PTPRD: variants seen among roughly 807,000 people sequenced by gnomAD.
PTPRD encodes receptor-type tyrosine-protein phosphatase delta.
Under a neutral mutation model 214.5 loss-of-function variants are expected in PTPRD, and 34 were observed. The ratio of observed to expected loss-of-function variants is 0.16; its 90% confidence interval spans 0.12 to 0.21. PTPRD has a LOEUF of 0.21. PTPRD is among the 10% of genes least tolerant of loss of function. The probability of loss-of-function intolerance (pLI) is 1.00; values close to 1 mark genes in which losing one functional copy is unlikely to be tolerated. For missense variants in PTPRD, 2,545 were observed against 2,398.7 expected (o/e 1.06, Z -1.27); for synonymous variants, 1,128 against 845.7 (o/e 1.33, Z -5.79).
intron 9 of PTPRD, among the ~76,000 whole-genome samples, chr9:9,211,157 C>T (rs1450048238): frequency 2.0e-5 from 3 of 152,072 alleles, no homozygotes; most frequent in African/African-American, 7.2e-5. Flanking sequence ...GCCACACATA[C>T]AGACCCATCT....
chr9:8,555,435 C>A (rs1006802434), intron 14 of PTPRD, among the ~76,000 whole-genome samples: 2 of 152,158 alleles, frequency 1.3e-5, no homozygotes, highest in Non-Finnish European at 2.9e-5. Flanking sequence ...CAAACAAACT[C>A]TTACTTGGTA....
chr9:8,503,869 T>G (rs144976576), intron 23 of PTPRD, among the ~76,000 whole-genome samples: 3 of 149,960 alleles, frequency 2.0e-5, no homozygotes, highest in South Asian at 2.1e-4. Flanking sequence ...AAAAATAAAG[T>G]TTTTTTTTGT....
At chr9:9,293,148 T>A (rs891366735) in intron 9 of PTPRD, among the ~76,000 whole-genome samples, 1 of 151,616 alleles carries the variant, frequency 6.6e-6, no homozygotes, top group Admixed American at 6.6e-5. Context: ...AATAACCACA[T>A]AAATTATTTA....
At chr9:8,872,686 T>C (rs1397392743) in intron 11 of PTPRD, among the ~76,000 whole-genome samples, 1 of 152,238 alleles carries the variant, frequency 6.6e-6, no homozygotes, top group Non-Finnish European at 1.5e-5. Flanking sequence ...TATCACTTTT[T>C]AAAAATAAAT....
chr9:9,881,886 G>T (rs537731406), intron 5 of PTPRD, among the ~76,000 whole-genome samples: 108 of 152,186 alleles, frequency 7.1e-4, no homozygotes, highest in Middle Eastern at 3.4e-3. Context: ...GAACATGCCT[G>T]GGCTAGCTTG....
At chr9:9,172,301 G>A (rs1237439298) in intron 10 of PTPRD, among the ~76,000 whole-genome samples, 2 of 152,108 alleles carry the variant, frequency 1.3e-5, no homozygotes, top group Non-Finnish European at 2.9e-5. Flanking sequence ...GTGGCAAAAT[G>A]TACTTTCCCT....
In PTPRD at chr9:9,465,427, ATTGT is replaced by A. The variant is rs2094056894; in HGVS notation, c.-236-67949_-236-67946del. Among the ~76,000 whole-genome samples, 4 of 152,308 alleles carry A rather than the reference ATTGT, an allele frequency of 2.6e-5. No homozygotes were observed. The South Asian group carries it at 8.3e-4, about 32-fold the overall frequency. ...GAGCCAAAAACCAATATGCAAACTG[ATTGT>A]TTGAGTCAGAGGAGTCCATTACTCA... On this transcript the variant is annotated intron_variant, in intron 8 of 45. Coordinates refer to ENST00000381196, the MANE Select transcript of PTPRD (RefSeq NM_002839.4).
At chr9:9,479,347 G>GCACACACACACACACA (rs5896339) in intron 8 of PTPRD, among the ~76,000 whole-genome samples, 7 of 146,668 alleles carry the variant, frequency 4.8e-5, no homozygotes, top group Non-Finnish European at 7.5e-5. Context: ...GAAAACTGAT[G>GCACACACACACACACA]CACACACACA....
intron 5 of PTPRD, among the ~76,000 whole-genome samples, chr9:9,844,787 A>T (rs1253921884): frequency 6.6e-6 from 1 of 151,662 alleles, no homozygotes; most frequent in Non-Finnish European, 1.5e-5. Context: ...AATACTTAAA[A>T]CTTGTTATTG....
intron 11 of PTPRD, among the ~76,000 whole-genome samples, chr9:8,886,069 G>C (rs566827408): frequency 1.3e-5 from 2 of 152,194 alleles, no homozygotes; most frequent in African/African-American, 4.8e-5. Context: ...GTGATTGGTA[G>C]GAAAGAACTC....
At chr9:9,051,477 T>G (rs186199687) in intron 10 of PTPRD, among the ~76,000 whole-genome samples, 1 of 152,304 alleles carries the variant, frequency 6.6e-6, no homozygotes, top group Non-Finnish European at 1.5e-5. Context: ...AAATCCAACC[T>G]TGGTGTCATT....
intron 5 of PTPRD, among the ~76,000 whole-genome samples, chr9:9,825,467 G>C (rs1274561447): frequency 2.0e-5 from 3 of 151,720 alleles, no homozygotes; most frequent in Non-Finnish European, 2.9e-5. Context: ...GAGAAAGAAA[G>C]AGACCGAGAG....
intron 18 of PTPRD, 151 bp from the exon 19 acceptor site, chr9:8,523,675 G>A (rs1406805673): frequency 2.5e-6 from 2 of 802,610 alleles, no homozygotes; most frequent in Non-Finnish European, 2.0e-6. Flanking sequence ...TCCTATCTCA[G>A]CTGGAAAAGT....
intron 10 of PTPRD, among the ~76,000 whole-genome samples, chr9:9,079,693 C>T (rs191806859): frequency 3.9e-5 from 6 of 152,158 alleles, no homozygotes; most frequent in South Asian, 2.1e-4. Context: ...GCAGGCAGCT[C>T]TTGACAGCTG....
At chr9:9,886,207 T>C (rs1351288866) in intron 5 of PTPRD, among the ~76,000 whole-genome samples, 1 of 152,054 alleles carries the variant, frequency 6.6e-6, no homozygotes, top group Non-Finnish European at 1.5e-5. Flanking sequence ...CAAAGAATTA[T>C]CAATACATGT....
chr9:9,046,237 A>G (rs991930681), intron 10 of PTPRD, among the ~76,000 whole-genome samples: 23 of 152,222 alleles, frequency 1.5e-4, no homozygotes, highest in African/African-American at 5.3e-4. Flanking sequence ...GAAGTTTTAT[A>G]AAGACATAGT....
intron 3 of PTPRD, among the ~76,000 whole-genome samples, chr9:10,113,148 T>C (rs1366527834): frequency 6.6e-6 from 1 of 152,190 alleles, no homozygotes; most frequent in Non-Finnish European, 1.5e-5. Context: ...AGTATAAAAA[T>C]CATGGGCTCA....
At chr9:9,322,678 C>T (rs1300418426) in intron 9 of PTPRD, among the ~76,000 whole-genome samples, 2 of 152,126 alleles carry the variant, frequency 1.3e-5, no homozygotes, top group African/African-American at 2.4e-5. Context: ...TGCAATGCTA[C>T]AGGAACACTC....
At chr9:8,727,900 T>C (rs892200192) in intron 12 of PTPRD, among the ~76,000 whole-genome samples, 1 of 152,224 alleles carries the variant, frequency 6.6e-6, no homozygotes, top group Non-Finnish European at 1.5e-5. Flanking sequence ...TACAATTCAA[T>C]GGTATTTAGT....
Sources: allele counts gnomAD v4.1 joint callset (sites outside exome capture counted in the v4.1 genomes callset), GRCh38; gene constraint gnomAD v4.1.1; transcripts MANE v1.5; gene names NCBI Gene and HGNC (gene_info 2026-07-23, HGNC 2026-07-21).